The following DAPL1 variants were observed in gnomAD, a reference collection of about 807,000 sequenced individuals.
DAPL1 encodes death associated protein like 1.
A neutral mutation model predicts 12.9 loss-of-function variants in DAPL1; 17 were observed. The ratio of observed to expected loss-of-function variants is 1.32; its 90% CI spans 0.90 to 1.98. The LOEUF is 1.98. Ranked by LOEUF, DAPL1 falls within the 30% of genes most tolerant of loss-of-function variation. The probability of loss-of-function intolerance (pLI) is 0.00; values close to 1 mark genes in which losing one functional copy is unlikely to be tolerated. For synonymous variants in DAPL1, 51 were observed against 42.0 expected (o/e 1.21, Z -0.82); for missense variants, 157 against 125.7 (o/e 1.25, Z -1.19).
intron 1 of DAPL1, 120 bp downstream of exon 1, chr2:158,795,550 C>A: frequency 2.2e-6 from 2 of 923,012 alleles, no homozygotes; most frequent in Admixed American, 2.1e-5. Context: ...GACTTTAACT[C>A]CATGCAGCCT....
At chr2:158,807,161 G>A (rs755756685) in intron 3 of DAPL1, 46 bp downstream of exon 3, 33 of 1,512,982 alleles carry the variant, frequency 2.2e-5, no homozygotes, top group Non-Finnish European at 3.0e-5. Context: ...AATCTGCCCA[G>A]TGGATCCAGC....
intron 2 of DAPL1, among the ~76,000 whole-genome samples, chr2:158,805,512 A>C: frequency 6.7e-6 from 1 of 149,670 alleles, no homozygotes; most frequent in Admixed American, 6.7e-5. Flanking sequence ...ATTAACTTTG[A>C]GACCTATTCA....
chr2:158,807,121 C>G lies in DAPL1; in HGVS notation c.207+6C>G. 1 of 1,604,772 alleles carries G rather than the reference C, an allele frequency of 6.2e-7. No homozygotes were observed. The highest frequency in any genetic ancestry group is 1.1e-5 in the South Asian group (1 of 89,816). On this transcript the variant is annotated splice_donor_region_variant and intron_variant, in intron 3 of 3. Coordinates refer to ENST00000309950, the MANE Select transcript of DAPL1 (RefSeq NM_001017920.3). ...TGAATGACGCACTGGAGAAGGTGAG[C>G]CGTGGGCAAATCACATAGCGCTCCA...
intron 3 of DAPL1, among the ~76,000 whole-genome samples, chr2:158,812,677 C>T (rs1046677042): frequency 4.6e-5 from 7 of 151,918 alleles, no homozygotes; most frequent in Admixed American, 3.3e-4. Flanking sequence ...TGCCTGAGGT[C>T]CCAGTTACTC....
intron 3 of DAPL1, among the ~76,000 whole-genome samples, chr2:158,814,896 G>C (rs943129605): frequency 6.6e-6 from 1 of 152,150 alleles, no homozygotes; most frequent in African/African-American, 2.4e-5. Context: ...CCAAGAACTA[G>C]CATGGACCCA....
intron 1 of DAPL1, among the ~76,000 whole-genome samples, chr2:158,795,987 C>T (rs1168333392): frequency 6.6e-6 from 1 of 152,174 alleles, no homozygotes; most frequent in African/African-American, 2.4e-5. Flanking sequence ...TAAATAAAGA[C>T]ACAGGACTTG....
chr2:158,801,583 CAT>C (rs777197530), intron 1 of DAPL1, among the ~76,000 whole-genome samples: 12 of 151,434 alleles, frequency 7.9e-5, no homozygotes, highest in East Asian at 1.9e-4. Flanking sequence ...AAAGAATGTG[CAT>C]ATATATATAT....
chr2:158,798,541 C>T (rs2059147946), intron 1 of DAPL1, among the ~76,000 whole-genome samples: 1 of 152,202 alleles, frequency 6.6e-6, no homozygotes, highest in African/African-American at 2.4e-5. Flanking sequence ...AGCAAAGAGA[C>T]TTCTAGACGT....
chr2:158,797,460 A>G (rs1361480412), intron 1 of DAPL1, among the ~76,000 whole-genome samples: 1 of 152,122 alleles, frequency 6.6e-6, no homozygotes, highest in Non-Finnish European at 1.5e-5. Context: ...AAGAAACTGC[A>G]ATGGAAAAAA....
At chr2:158,799,193 CA>C (rs1411228189) in intron 1 of DAPL1, among the ~76,000 whole-genome samples, 3 of 152,148 alleles carry the variant, frequency 2.0e-5, no homozygotes, top group Admixed American at 2.0e-4. Flanking sequence ...CCCTTTTTTA[CA>C]TTGTCTATCT....
intron 3 of DAPL1, among the ~76,000 whole-genome samples, chr2:158,811,316 G>A (rs926068402): frequency 3.3e-5 from 5 of 152,130 alleles, no homozygotes; most frequent in Non-Finnish European, 5.9e-5. Flanking sequence ...TTTCATTGAC[G>A]AGAGCTGAAT....
intron 3 of DAPL1, among the ~76,000 whole-genome samples, chr2:158,811,313 G>C (rs2059229121): frequency 6.6e-6 from 1 of 152,172 alleles, no homozygotes; most frequent in Non-Finnish European, 1.5e-5. Flanking sequence ...GAATTTCATT[G>C]ACGAGAGCTG....
intron 3 of DAPL1, among the ~76,000 whole-genome samples, chr2:158,807,481 C>T (rs1197109649): frequency 6.6e-6 from 1 of 152,022 alleles, no homozygotes; most frequent in African/African-American, 2.4e-5. Flanking sequence ...TCCTCCCTGC[C>T]CCTGTGTTCC....
intron 1 of DAPL1, among the ~76,000 whole-genome samples, chr2:158,799,730 G>C (rs1297622916): frequency 1.3e-5 from 2 of 152,162 alleles, no homozygotes; most frequent in Admixed American, 1.3e-4. Context: ...CTCTGTTCTG[G>C]AAATCCAATG....
At chr2:158,805,579 C>A (rs1021043105) in intron 2 of DAPL1, among the ~76,000 whole-genome samples, 1 of 126,838 alleles carries the variant, frequency 7.9e-6, no homozygotes, top group Non-Finnish European at 1.9e-5. Flanking sequence ...CATTAGTTAA[C>A]CTGCCTGAGC....
Position 158,807,179 on chromosome 2 carries a change from G to A in DAPL1, c.207+64G>A, listed in dbSNP as rs10207833. Reference sequence around the variant, plus strand: ...CTGCCCAGTGGATCCAGCTGCATGGGTGAATGAGCGGATGACCACTGAGGT... The same window carrying A: ...CTGCCCAGTGGATCCAGCTGCATGGATGAATGAGCGGATGACCACTGAGGT... On this transcript the variant is annotated intron_variant, in intron 3 of 3. Transcript: ENST00000309950. 0.014 allele frequency: 18,313 copies of A among 1,325,418 alleles called. 1,961 individuals are homozygous for A. In the African/African-American group the frequency reaches 0.23, roughly 17 times the overall value. 82.1% of individuals were successfully genotyped at this position (1,325,418 alleles called of 1,614,324 possible).
At chr2:158,814,758 T>C (rs2059251096) in intron 3 of DAPL1, among the ~76,000 whole-genome samples, 1 of 152,210 alleles carries the variant, frequency 6.6e-6, no homozygotes, top group African/African-American at 2.4e-5. Flanking sequence ...TTATTTAATT[T>C]GAGTGCCAAG....
intron 3 of DAPL1, among the ~76,000 whole-genome samples, chr2:158,808,096 A>G (rs893937253): frequency 1.3e-5 from 2 of 152,240 alleles, no homozygotes; most frequent in African/African-American, 4.8e-5. Context: ...GTAGGCAGGT[A>G]CATTACAGTC....
intron 3 of DAPL1, among the ~76,000 whole-genome samples, chr2:158,811,049 A>G (rs2059227728): frequency 1.3e-5 from 2 of 152,198 alleles, no homozygotes; most frequent in African/African-American, 2.4e-5. Flanking sequence ...TAGTTGTGAA[A>G]CTTCTCAGAA....
Sources: allele counts gnomAD v4.1 joint callset (sites outside exome capture counted in the v4.1 genomes callset), GRCh38; gene constraint gnomAD v4.1.1; transcripts MANE v1.5; gene names NCBI Gene and HGNC (gene_info 2026-07-23, HGNC 2026-07-21).